EIF4E: variants seen among roughly 807,000 people sequenced by gnomAD.
EIF4E encodes eukaryotic translation initiation factor 4E.
For missense variants in EIF4E, 113 were observed against 265.6 expected, an observed-to-expected ratio of 0.43 and a Z score of 3.99; for synonymous variants, 71 against 88.5, an observed-to-expected ratio of 0.80 and a Z score of 1.11.
intron 2 of EIF4E, among the ~76,000 whole-genome samples, chr4:98,893,964 C>T (rs1298793082): frequency 6.6e-6 from 1 of 152,230 alleles, no homozygotes; most frequent in Non-Finnish European, 1.5e-5. Context: ...GCTCCATACG[C>T]TGCAGAAAGT....
Position 98,887,597 on chromosome 4 carries a change from T to A in EIF4E, c.285+292A>T, listed in dbSNP as rs1382748076. Among the ~76,000 whole-genome samples the A allele has an allele frequency of 6.6e-6, 1 of 152,148 alleles. No homozygotes were observed. The highest frequency in any genetic ancestry group is 2.4e-5 in the African/African-American group (1 of 41,414). On this transcript the variant is annotated intron_variant, in intron 4 of 6. Transcript: ENST00000450253. The surrounding 1 kb of genome is among the most constrained non-coding windows in gnomAD (Gnocchi z 4.0). ...ATTCCAAGGACCCATGCTCCTAAGG[T>A]TAAGAATGCTTGATAAACTCAGTCT...
chr4:98,909,838 G>A, intron 1 of EIF4E: 4 of 690,138 alleles, frequency 5.8e-6, no homozygotes, highest in Non-Finnish European at 1.1e-5. Flanking sequence ...TCTCAGGACA[G>A]GATCAGCCAT....
intron 2 of EIF4E, among the ~76,000 whole-genome samples, chr4:98,900,527 T>C (rs1047472866): frequency 2.8e-5 from 4 of 145,260 alleles, no homozygotes; most frequent in Non-Finnish European, 5.9e-5. Flanking sequence ...TGTGGACTCT[T>C]TTAAGTAGAG....
At chr4:98,923,446 TAGG>T (rs1725736333) in intron 1 of EIF4E, among the ~76,000 whole-genome samples, 1 of 152,122 alleles carries the variant, frequency 6.6e-6, no homozygotes, top group African/African-American at 2.4e-5. Context: ...CTCCTGAGGC[TAGG>T]ACACAGGTGT....
At chr4:98,882,575 A>T (rs144071177) in intron 6 of EIF4E, among the ~76,000 whole-genome samples, 3,529 of 152,088 alleles carry the variant, frequency 0.023, 121 homozygotes, top group African/African-American at 0.081. Flanking sequence ...TTCCCCCTAA[A>T]ATAAGGTATT....
intron 1 of EIF4E, among the ~76,000 whole-genome samples, chr4:98,915,782 T>C (rs1201411829): frequency 6.6e-6 from 1 of 151,500 alleles, no homozygotes; most frequent in South Asian, 2.1e-4. Context: ...ACTCAGGTGA[T>C]CCACCTGCCT....
intron 1 of EIF4E, among the ~76,000 whole-genome samples, chr4:98,907,869 TA>T (rs1185694136): frequency 3.9e-5 from 6 of 152,170 alleles, no homozygotes; most frequent in African/African-American, 1.4e-4. Context: ...AAGTGATCCA[TA>T]ACTGTCGGCT....
chr4:98,903,007 T>TG (rs1336937227), intron 1 of EIF4E, among the ~76,000 whole-genome samples: 2 of 152,216 alleles, frequency 1.3e-5, no homozygotes, highest in Non-Finnish European at 2.9e-5. Flanking sequence ...AGATGGACAT[T>TG]GGCTTGAACT....
rs1165605271 is a variant in EIF4E, at chr4:98,886,456, G to GT, written c.399+622dup. On this transcript the variant is annotated intron_variant, in intron 5 of 6. Coordinates refer to ENST00000450253, the MANE Select transcript of EIF4E (RefSeq NM_001968.5). ...GGGACAGGCACAGTGACTCACACCT[G>GT]TAATTCCAGCACTTTGGGAGGCTGA... The GT allele has an allele frequency of 4.0e-5, 18 of 445,806 alleles. 1 individual carries two copies. Among genetic ancestry groups the GT allele is most frequent in the Non-Finnish European group, 7.6e-5 (17 of 222,644 alleles). The allele number at this position is 445,806 out of a possible 1,614,324, so 27.6% of individuals were successfully genotyped here. A position where few individuals can be genotyped will look rare whatever the true frequency, so the allele number is the denominator to read the frequency against.
chr4:98,912,470 G>A (rs111498231), intron 1 of EIF4E, among the ~76,000 whole-genome samples: 2 of 151,814 alleles, frequency 1.3e-5, no homozygotes, highest in South Asian at 2.1e-4. Flanking sequence ...CAGCTACGAA[G>A]GAGGCTGAGG....
At chr4:98,903,360 G>GTTTTTTTTTTTTTTTTTTT in intron 1 of EIF4E, 1 of 384,680 alleles carries the variant, frequency 2.6e-6, no homozygotes, top group Non-Finnish European at 5.0e-6. Context: ...AAGAATATGG[G>GTTTTTTTTTTTTTTTTTTT]TTTTTTTTTT....
At chr4:98,902,034 A>T (rs1343422273) in intron 1 of EIF4E, 52 bp from the exon 2 acceptor site, 1 of 1,516,082 alleles carries the variant, frequency 6.6e-7, no homozygotes, top group Non-Finnish European at 9.2e-7. Flanking sequence ...CACATCTATG[A>T]CAGCAATATT....
intron 2 of EIF4E, among the ~76,000 whole-genome samples, chr4:98,893,121 C>T (rs1447491812): frequency 1.3e-5 from 2 of 152,100 alleles, no homozygotes; most frequent in Non-Finnish European, 2.9e-5. Context: ...CTGTAGTCTA[C>T]ATTATGTCTG....
At chr4:98,893,709 C>G (rs934191094) in intron 2 of EIF4E, among the ~76,000 whole-genome samples, 1 of 152,212 alleles carries the variant, frequency 6.6e-6, no homozygotes, top group Non-Finnish European at 1.5e-5. Flanking sequence ...AAGTCTTGAA[C>G]GCTTCAAAGT....
At chr4:98,899,061 A>T (rs934753213) in intron 2 of EIF4E, among the ~76,000 whole-genome samples, 1 of 152,044 alleles carries the variant, frequency 6.6e-6, no homozygotes, top group Non-Finnish European at 1.5e-5. Flanking sequence ...CTCTAAAAAA[A>T]AAAAAACCAT....
At chr4:98,903,859 T>C (rs1225138122) in intron 1 of EIF4E, among the ~76,000 whole-genome samples, 4 of 152,144 alleles carry the variant, frequency 2.6e-5, no homozygotes, top group Non-Finnish European at 5.9e-5. Flanking sequence ...TACCAGTAAA[T>C]TTAAGTGTTC....
intron 1 of EIF4E, chr4:98,926,096 T>C (rs1010649194): frequency 6.7e-6 from 1 of 150,284 alleles, no homozygotes; most frequent in Non-Finnish European, 1.5e-5. Flanking sequence ...AGCCCAGGAG[T>C]TTGAGGCTGC....
chr4:98,889,365 C>T (rs987674404), intron 3 of EIF4E, among the ~76,000 whole-genome samples: 49 of 152,108 alleles, frequency 3.2e-4, no homozygotes, highest in African/African-American at 9.7e-4. Flanking sequence ...ATAAAATTAG[C>T]GCTACTAATG....
At chr4:98,886,162 T>C (rs538884961) in intron 5 of EIF4E, among the ~76,000 whole-genome samples, 4 of 152,058 alleles carry the variant, frequency 2.6e-5, no homozygotes, top group Non-Finnish European at 1.5e-5. Flanking sequence ...AAAAGCAAAA[T>C]AGTCACTTAT....
Sources: allele counts gnomAD v4.1 joint callset (sites outside exome capture counted in the v4.1 genomes callset), GRCh38; gene constraint gnomAD v4.1.1; non-coding constraint Gnocchi (gnomAD v3.1); transcripts MANE v1.5; gene names NCBI Gene and HGNC (gene_info 2026-07-23, HGNC 2026-07-21).